TRIM24: variants seen among roughly 807,000 people sequenced by gnomAD.
The protein encoded by TRIM24 is transcription intermediary factor 1-alpha.
Under a neutral mutation model 123.9 loss-of-function variants are expected in TRIM24, and 29 were observed. The observed-to-expected ratio is 0.23, with a 90% CI of 0.17 to 0.32. The LOEUF (loss-of-function observed/expected upper bound fraction) is 0.32, where lower values mean the gene tolerates loss of function less well. Among genes scored for constraint, TRIM24 ranks in the 10% least tolerant of loss-of-function variants. The pLI is 1.00. For synonymous variants in TRIM24, 456 were observed against 461.1 expected (o/e 0.99, Z 0.14); for missense variants, 932 against 1,295.3 (o/e 0.72, Z 4.31).
intron 1 of TRIM24, among the ~76,000 whole-genome samples, chr7:138,471,685 T>C (rs1340537946): frequency 1.3e-5 from 2 of 151,828 alleles, no homozygotes; most frequent in Non-Finnish European, 2.9e-5. Context: ...GGATTACAGG[T>C]GCGCGCCACC....
chr7:138,461,121 T>C (rs949064756), intron 1 of TRIM24: 11 of 706,078 alleles, frequency 1.6e-5, no homozygotes, highest in Non-Finnish European at 2.3e-5. Flanking sequence ...CCCCGGGCGC[T>C]GTGGACTTGA....
At chr7:138,578,563 T>TGTGCGC (rs145011901) in intron 14 of TRIM24, among the ~76,000 whole-genome samples, 118 of 145,082 alleles carry the variant, frequency 8.1e-4, no homozygotes, top group African/African-American at 2.6e-3. Flanking sequence ...TGTGTGTGTG[T>TGTGCGC]GCGCGCACGC....
chr7:138,504,443 AG>A, intron 2 of TRIM24, 35 bp downstream of exon 2: 1 of 641,472 alleles, frequency 1.6e-6, no homozygotes, highest in Non-Finnish European at 2.4e-6. Context: ...TTTGCCTGCC[AG>A]CTCTTTTTTT....
At position 138,554,579 on chromosome 7, in the gene TRIM24, C is replaced by A; in HGVS notation, c.1262-119C>A. 1.9e-6 allele frequency: 2 copies of A among 1,043,882 alleles called. No homozygotes were observed. The highest frequency in any genetic ancestry group is 2.8e-6 in the Non-Finnish European group (2 of 717,456). The allele number at this position is 1,043,882 out of a possible 1,614,324, so 64.7% of individuals were successfully genotyped here. On this transcript the variant is annotated intron_variant, in intron 8 of 18. Transcript: ENST00000343526. The surrounding 1 kb of genome is among the most constrained non-coding windows in gnomAD (Gnocchi z 4.5). The stretch of plus-strand genomic sequence containing the variant: ...GGTTCTCTTTCAGAGTGTTAAAGGG[C>A]TCATGAGATCAGAGAATTTCTTGGC...
intron 7 of TRIM24, among the ~76,000 whole-genome samples, chr7:138,543,873 C>T (rs1391441423): frequency 2.0e-5 from 3 of 152,062 alleles, no homozygotes; most frequent in East Asian, 3.8e-4. Flanking sequence ...CTCCCTCTAT[C>T]GCCTAGGCTA....
intron 2 of TRIM24, among the ~76,000 whole-genome samples, chr7:138,511,077 A>G (rs1374026163): frequency 2.6e-5 from 4 of 152,182 alleles, no homozygotes; most frequent in Non-Finnish European, 5.9e-5. Context: ...GCATTGCTAT[A>G]AAGAAATACC....
At chr7:138,488,475 G>T (rs1422936498) in intron 1 of TRIM24, among the ~76,000 whole-genome samples, 4 of 152,050 alleles carry the variant, frequency 2.6e-5, no homozygotes, top group African/African-American at 9.7e-5. Flanking sequence ...GCTTTCTCTT[G>T]TGGGCATTTA....
Position 138,551,192 on chromosome 7 carries a change from C to T in TRIM24, c.1261+12C>T. 6.4e-7 allele frequency: 1 copy of T among 1,573,988 alleles called. No homozygotes were observed. Among genetic ancestry groups the T allele is most frequent in the Non-Finnish European group, 8.7e-7 (1 of 1,143,720 alleles). On this transcript the variant is annotated intron_variant, in intron 8 of 18. Coordinates refer to ENST00000343526, the MANE Select transcript of TRIM24 (RefSeq NM_015905.3). ...TATCATCAACTTAGGTGGGCCATTA[C>T]CATTACATACATTTCTCAGTGGCAT...
chr7:138,541,629 C>G (rs1329863980), intron 7 of TRIM24, among the ~76,000 whole-genome samples: 1 of 152,150 alleles, frequency 6.6e-6, no homozygotes, highest in African/African-American at 2.4e-5. Context: ...TGAGCATTGG[C>G]TTCAATTTCA....
chr7:138,584,040 T>G (rs1349747669), intron 18 of TRIM24, 41 bp downstream of exon 18: 1 of 1,561,144 alleles, frequency 6.4e-7, no homozygotes, highest in Non-Finnish European at 8.6e-7. Flanking sequence ...GGAACAGCAG[T>G]GTGAAAATCA....
At chr7:138,545,163 C>CGTGTGTGT (rs3073156) in intron 7 of TRIM24, among the ~76,000 whole-genome samples, 13 of 149,482 alleles carry the variant, frequency 8.7e-5, no homozygotes, top group African/African-American at 2.4e-4. Flanking sequence ...ATAAAATCTG[C>CGTGTGTGT]GTGTGTGTGT....
chr7:138,484,004 C>G (rs920253012), intron 1 of TRIM24, among the ~76,000 whole-genome samples: 1 of 152,056 alleles, frequency 6.6e-6, no homozygotes, highest in South Asian at 2.1e-4. Context: ...AGAATCAAGG[C>G]AGTACATAAT....
rs960294564 is a variant in TRIM24 at position 138,524,314 on chromosome 7, C to G, written c.765-927C>G. Among the ~76,000 whole-genome samples the G allele has an allele frequency of 1.6e-4, 25 of 152,146 alleles. No homozygotes were observed. In the East Asian group the frequency reaches 4.1e-3, roughly 25 times the overall value. On this transcript the variant is annotated intron_variant, in intron 4 of 18. Transcript: ENST00000343526. ...GTCTTTGCATTGAGATTAGGAACAA[C>G]ATAAGGGTGACCATTTTGACCATTT...
chr7:138,555,037 C>A, intron 9 of TRIM24, 71 bp downstream of exon 9: 7 of 1,445,810 alleles, frequency 4.8e-6, no homozygotes, highest in Non-Finnish European at 5.7e-6. Context: ...CTCAAAATAA[C>A]AAAGACATCC....
chr7:138,513,976 A>G (rs141573566), intron 2 of TRIM24, among the ~76,000 whole-genome samples: 413 of 152,306 alleles, frequency 2.7e-3, no homozygotes, highest in African/African-American at 8.9e-3. Flanking sequence ...GAATCAGAGG[A>G]GGAAGGGTGG....
At position 138,519,240 on chromosome 7, in the gene TRIM24, A is replaced by G. The variant is rs746543322; in HGVS notation, c.683A>G (p.Lys228Arg). 1.9e-6 allele frequency: 3 copies of G among 1,614,180 alleles called. No individual in the cohort carries two copies. The highest frequency in any genetic ancestry group is 1.6e-4 in the Middle Eastern group (1 of 6,062). The change falls in exon 4 of 19, where the codon AAG becomes AGG. Residue 228 changes from lysine (K) to arginine (R), a missense_variant. Physicochemically the swap from Lys to Arg is conservative, Grantham distance 26 (BLOSUM62 2). This residue lies in a region of TRIM24 where 74 missense variants were observed against 163.6 expected (regional missense o/e 0.45). Transcript: ENST00000343526. ...CCAGTGTTTTGTCCTTTTCATAAAA[A>G]GGAGCAGCTGAAGCTGTACTGTGAG... ...QRPVFCPFHK[K>R]EQLKLYCETC...
chr7:138,508,698 C>CGA (rs1554436644), intron 2 of TRIM24, among the ~76,000 whole-genome samples: 1 of 30,412 alleles, frequency 3.3e-5, no homozygotes. Context: ...TGTGTGCGCG[C>CGA]GCGTGTGTGC....
chr7:138,546,198 A>G (rs186805311), intron 7 of TRIM24, among the ~76,000 whole-genome samples: 5 of 152,302 alleles, frequency 3.3e-5, no homozygotes, highest in East Asian at 1.9e-4. Flanking sequence ...TTGACATCCT[A>G]CGTTTCCTGG....
At chr7:138,490,535 T>G (rs938281813) in intron 1 of TRIM24, 12 of 205,152 alleles carry the variant, frequency 5.8e-5, no homozygotes, top group Non-Finnish European at 9.7e-5. Flanking sequence ...GTAACCTCTT[T>G]TCTGCTTTCA....
Sources: gnomAD v4.1 joint callset for allele counts (sites outside exome capture counted in the v4.1 genomes callset) on GRCh38, gnomAD v4.1.1 for gene constraint, gnomAD v4.1.1 regional missense constraint, Gnocchi (gnomAD v3.1) non-coding constraint, MANE v1.5 for transcripts, NCBI Gene and HGNC (gene_info 2026-07-23, HGNC 2026-07-21) for gene names.